Variants in CTNNA2 observed in about 807,000 individuals in gnomAD.
CTNNA2 encodes the protein catenin alpha 2.
Under a neutral mutation model 101.0 loss-of-function variants are expected in CTNNA2, and 42 were observed. The observed-to-expected ratio is 0.42, with a 90% CI of 0.32 to 0.54. The LOEUF is 0.54. CTNNA2 is among the 20% of genes least tolerant of loss of function. The pLI is 0.14. For missense variants in CTNNA2, 871 were observed against 1,223.1 expected (o/e 0.71, Z 4.29); for synonymous variants, 450 against 456.4 (o/e 0.99, Z 0.18).
chr2:79,798,110 A>C (rs12615003), intron 3 of CTNNA2, among the ~76,000 whole-genome samples: 63,233 of 151,458 alleles, frequency 0.42, 15,593 homozygotes, highest in African/African-American at 0.67. Flanking sequence ...CCTGCCCCAT[A>C]CTAGAACTGC....
chr2:79,272,658 A>G (rs1054723721), intron 2 of CTNNA2, among the ~76,000 whole-genome samples: 1 of 152,100 alleles, frequency 6.6e-6, no homozygotes, highest in African/African-American at 2.4e-5. Context: ...TGCCACTGTA[A>G]ATTGGATTTT....
intron 3 of CTNNA2, among the ~76,000 whole-genome samples, chr2:79,835,687 T>TTTTTGTTTGTTTG (rs1679302026): frequency 7.4e-6 from 1 of 134,858 alleles, no homozygotes. Context: ...TTTTTTTTTT[T>TTTTTGTTTGTTTG]TTTTTTTTTT....
intron 1 of CTNNA2, among the ~76,000 whole-genome samples, chr2:79,600,686 C>T (rs1215125360): frequency 2.0e-5 from 3 of 152,130 alleles, no homozygotes; most frequent in African/African-American, 7.2e-5. Flanking sequence ...TTAGTTTGGG[C>T]TCCTATGACA....
At chr2:80,470,335 A>G (rs1685198893) in intron 9 of CTNNA2, among the ~76,000 whole-genome samples, 1 of 152,088 alleles carries the variant, frequency 6.6e-6, no homozygotes, top group African/African-American at 2.4e-5. Context: ...AGGGCTGGGG[A>G]TGGAAAGGAG....
chr2:80,394,935 T>C (rs1029120384), intron 8 of CTNNA2, among the ~76,000 whole-genome samples: 2 of 151,900 alleles, frequency 1.3e-5, no homozygotes, highest in Non-Finnish European at 2.9e-5. Flanking sequence ...AACTGGGTCT[T>C]CCCATCTTCC....
chr2:79,868,362 A>G (rs1682308309), intron 4 of CTNNA2, among the ~76,000 whole-genome samples: 1 of 152,162 alleles, frequency 6.6e-6, no homozygotes, highest in Admixed American at 6.5e-5. Context: ...TTTGCTTGCT[A>G]CAACTCTTTC....
At chr2:80,629,819 C>A (rs547294489) in intron 18 of CTNNA2, among the ~76,000 whole-genome samples, 8 of 152,196 alleles carry the variant, frequency 5.3e-5, no homozygotes, top group Non-Finnish European at 8.8e-5. Context: ...CTTTGCTGAA[C>A]GTATCCTGGA....
intron 9 of CTNNA2, among the ~76,000 whole-genome samples, chr2:80,462,777 G>A (rs913953439): frequency 5.9e-5 from 9 of 151,568 alleles, no homozygotes; most frequent in African/African-American, 1.2e-4. Context: ...ATTAGTCTAC[G>A]CACTCTTTGG....
At chr2:79,609,860 A>C (rs1678151198) in intron 1 of CTNNA2, among the ~76,000 whole-genome samples, 1 of 151,996 alleles carries the variant, frequency 6.6e-6, no homozygotes, top group Admixed American at 6.5e-5. Context: ...AAGGAGACAT[A>C]GGAGAAAATG....
At chr2:80,146,963 A>G (rs1703388768) in intron 7 of CTNNA2, among the ~76,000 whole-genome samples, 1 of 142,712 alleles carries the variant, frequency 7.0e-6, no homozygotes, top group Non-Finnish European at 1.5e-5. Flanking sequence ...TTATTTATTT[A>G]TTTATTTATT....
intron 4 of CTNNA2, among the ~76,000 whole-genome samples, chr2:79,397,624 G>A (rs1678247156): frequency 6.6e-6 from 1 of 151,826 alleles, no homozygotes; most frequent in South Asian, 2.1e-4. Context: ...TCATCTCTAT[G>A]CAACTGGCTC....
chr2:79,670,620 G>T (rs1040006586), intron 2 of CTNNA2, among the ~76,000 whole-genome samples: 1 of 152,148 alleles, frequency 6.6e-6, no homozygotes, highest in African/African-American at 2.4e-5. Flanking sequence ...TCCTACTTGT[G>T]AGTTCTTTAG....
chr2:79,799,850 C>T (rs1407578265), intron 3 of CTNNA2, among the ~76,000 whole-genome samples: 1 of 152,116 alleles, frequency 6.6e-6, no homozygotes, highest in African/African-American at 2.4e-5. Flanking sequence ...AAAATAGCAA[C>T]ATCTTAGACA....
intron 7 of CTNNA2, among the ~76,000 whole-genome samples, chr2:80,277,326 G>A (rs1673985219): frequency 6.6e-6 from 1 of 152,090 alleles, no homozygotes; most frequent in South Asian, 2.1e-4. Flanking sequence ...TACATAGGCA[G>A]GATTGATTAA....
chr2:79,983,617 A>T (rs1224244349), intron 7 of CTNNA2, among the ~76,000 whole-genome samples: 1 of 152,200 alleles, frequency 6.6e-6, no homozygotes, highest in East Asian at 1.9e-4. Context: ...AATAGAGGCC[A>T]GTGCGTCTTG....
At chr2:80,015,005 C>T (rs1193451553) in intron 7 of CTNNA2, among the ~76,000 whole-genome samples, 1 of 152,144 alleles carries the variant, frequency 6.6e-6, no homozygotes, top group African/African-American at 2.4e-5. Flanking sequence ...ATTCCACCAT[C>T]CTCAGCCAAA....
Position 79,625,303 on chromosome 2 carries a change from A to G in CTNNA2, c.-5-26249A>G, listed in dbSNP as rs564941427. The stretch of plus-strand genomic sequence containing the variant: ...AATTAATGGTGATATGATAATTGCT[A>G]TAATTGAGAACTGGAAGATTATGGC... On this transcript the variant is annotated intron_variant, in intron 1 of 18. Transcript: ENST00000402739. Among the ~76,000 whole-genome samples, 5 of 152,278 alleles carry G rather than the reference A, an allele frequency of 3.3e-5. No homozygotes were observed. In the South Asian group the frequency reaches 6.2e-4, roughly 19 times the overall value.
intron 1 of CTNNA2, among the ~76,000 whole-genome samples, chr2:79,559,699 AC>A (rs1674656195): frequency 6.6e-6 from 1 of 151,902 alleles, no homozygotes; most frequent in Admixed American, 6.6e-5. Flanking sequence ...TAGGTTGAAC[AC>A]TAGTAGTTCT....
chr2:80,217,160 A>G (rs1708319788), intron 7 of CTNNA2, among the ~76,000 whole-genome samples: 1 of 152,102 alleles, frequency 6.6e-6, no homozygotes, highest in Non-Finnish European at 1.5e-5. Flanking sequence ...GCCCCACAAA[A>G]TGATAATGAA....
Sources: allele counts gnomAD v4.1 joint callset (sites outside exome capture counted in the v4.1 genomes callset), GRCh38; gene constraint gnomAD v4.1.1; transcripts MANE v1.5; gene names NCBI Gene and HGNC (gene_info 2026-07-23, HGNC 2026-07-21).